Variants in HMGXB3 observed in about 807,000 individuals in gnomAD.
HMGXB3 encodes HMG-box containing 3.
A neutral mutation model predicts 121.5 loss-of-function variants in HMGXB3; 45 were observed. That is an observed-to-expected ratio of 0.37 (90% CI 0.29 to 0.47). The LOEUF (loss-of-function observed/expected upper bound fraction) is 0.47. Ranked by LOEUF, HMGXB3 falls within the 20% of genes least tolerant of loss-of-function variation. The pLI, the probability that HMGXB3 is intolerant of heterozygous loss-of-function variation, is 0.99. For synonymous variants in HMGXB3, 590 were observed against 624.1 expected (o/e 0.95, Z 0.81); for missense variants, 1,376 against 1,602.2 (o/e 0.86, Z 2.41).
rs757924825 is a variant in HMGXB3, at chr5:150,037,418, G to A, written c.2304G>A (p.Gln768=). The change falls in exon 13 of 20, where the codon CAG becomes CAA. Residue 768 remains glutamine, a synonymous_variant. Coordinates refer to ENST00000502717, the MANE Select transcript of HMGXB3 (RefSeq NM_014983.3). ...GTACTAGCTCCCTGGCTGGGCCCCA[G>A]GAGTGCTGGCTGCTGACAGCCAGCC... ...KGGQNSLAGP[Q]ECWLLTASRL... is the part of the protein sequence containing the mutation. 57 of 1,549,832 alleles carry A rather than the reference G, an allele frequency of 3.7e-5. No individual in the cohort carries two copies. Among genetic ancestry groups the A allele is most frequent in the Non-Finnish European group, 8.7e-6 (10 of 1,146,010 alleles).
chr5:150,040,563 A>T (rs1210963334), intron 13 of HMGXB3, among the ~76,000 whole-genome samples, 185 bp from the exon 14 acceptor site: 3 of 151,844 alleles, frequency 2.0e-5, no homozygotes, highest in African/African-American at 7.3e-5. Flanking sequence ...TTTTTTTGAG[A>T]TGGAGTCTCT....
At chr5:150,011,982 C>T (rs772001132) in intron 4 of HMGXB3, among the ~76,000 whole-genome samples, 8 of 152,186 alleles carry the variant, frequency 5.3e-5, no homozygotes, top group Non-Finnish European at 1.0e-4. Context: ...TGGATTCTCT[C>T]ACTAACTGCT....
chr5:150,001,676 CCT>C (rs1755572532), intron 1 of HMGXB3, among the ~76,000 whole-genome samples: 1 of 152,162 alleles, frequency 6.6e-6, no homozygotes, highest in South Asian at 2.1e-4. Context: ...AATTGTCCTG[CCT>C]TTTTTTGCAT....
At position 150,040,762 on chromosome 5, in the gene HMGXB3, G is replaced by A. The variant is rs1756612456; in HGVS notation, c.2428G>A (p.Gly810Arg). ...IDIYTGLFNV[G>R]NKLLVSLDLL... The stretch of plus-strand genomic sequence containing the variant: ...TTAACCTGCAGGTCTCTTTAATGTG[G>A]GGAACAAGCTGCTGGTAAGCCTGGA... Residue 810 changes from glycine (G) to arginine (R), a missense_variant, in exon 14 of 20, where the codon GGG becomes AGG. Gly to Arg is a moderately radical substitution (Grantham distance 125). Transcript: ENST00000502717. 1 of 1,551,842 alleles carries A rather than the reference G, an allele frequency of 6.4e-7. No individual in the cohort carries two copies.
chr5:150,041,419 G>T (rs752881103), intron 14 of HMGXB3, among the ~76,000 whole-genome samples: 34 of 152,348 alleles, frequency 2.2e-4, no homozygotes, highest in Admixed American at 1.2e-3. Context: ...TGCCACTGTT[G>T]CAGTGTGATT....
chr5:150,034,405 A>G (rs1218920603), intron 11 of HMGXB3, among the ~76,000 whole-genome samples: 1 of 152,170 alleles, frequency 6.6e-6, no homozygotes, highest in African/African-American at 2.4e-5. Flanking sequence ...CTGTGTAGGT[A>G]GAAGCTCTGA....
intron 6 of HMGXB3, chr5:150,021,971 C>A: frequency 2.3e-6 from 1 of 432,776 alleles, no homozygotes; most frequent in South Asian, 1.7e-5. Context: ...GAGAGAACAG[C>A]GGTGAGTCAG....
chr5:150,026,995 C>G, intron 8 of HMGXB3, 25 bp from the exon 9 acceptor site: 1 of 1,549,462 alleles, frequency 6.5e-7, no homozygotes, highest in Non-Finnish European at 8.7e-7. Flanking sequence ...ACTTAAGTCA[C>G]CAGTTTGGCT....
intron 11 of HMGXB3, among the ~76,000 whole-genome samples, chr5:150,032,912 C>T (rs1300961861): frequency 6.6e-6 from 1 of 152,198 alleles, no homozygotes; most frequent in Non-Finnish European, 1.5e-5. Context: ...GTTGCATCCT[C>T]TTACCGCTGA....
In HMGXB3 at chr5:150,050,179, C is replaced by T. The variant is rs1756856405; in HGVS notation, c.3202-73C>T. ...GATTGCTCATCTTCCTGGGAAGAAG[C>T]GAGTGAGAACTGTACACTCTCTGCA... On this transcript the variant is annotated intron_variant, in intron 18 of 19. Transcript: ENST00000502717. 6.2e-6 allele frequency: 8 copies of T among 1,286,472 alleles called. No homozygotes were observed. In the Admixed American group the frequency reaches 9.9e-5, roughly 16 times the overall value. 79.7% of individuals were successfully genotyped at this position (1,286,472 alleles called of 1,614,324 possible).
chr5:150,004,053 A>G (rs564566012), intron 1 of HMGXB3, among the ~76,000 whole-genome samples: 134 of 151,278 alleles, frequency 8.9e-4, no homozygotes, highest in African/African-American at 3.1e-3. Context: ...TTTTTTTAAT[A>G]GAGATGGGGT....
intron 7 of HMGXB3, among the ~76,000 whole-genome samples, chr5:150,025,621 G>A (rs1756210400): frequency 6.7e-6 from 1 of 148,730 alleles, no homozygotes; most frequent in African/African-American, 2.6e-5. Flanking sequence ...AGTCTGGAGT[G>A]CAGTGGTGCG....
chr5:150,051,393 C>T (rs577572547), intron 19 of HMGXB3, among the ~76,000 whole-genome samples: 38 of 152,352 alleles, frequency 2.5e-4, no homozygotes, highest in African/African-American at 8.2e-4. Flanking sequence ...GGCTCACTGG[C>T]TCCATGAGCA....
At chr5:150,040,369 G>A (rs1470547652) in intron 13 of HMGXB3, among the ~76,000 whole-genome samples, 1 of 151,994 alleles carries the variant, frequency 6.6e-6, no homozygotes, top group East Asian at 1.9e-4. Flanking sequence ...TTAGTTGTGG[G>A]GTTTTTGTTT....
chr5:150,024,051 G>A (rs1756162559), intron 6 of HMGXB3, among the ~76,000 whole-genome samples: 1 of 152,200 alleles, frequency 6.6e-6, no homozygotes, highest in South Asian at 2.1e-4. Context: ...TTATTCAAAC[G>A]AAGGCATTTA....
intron 12 of HMGXB3, among the ~76,000 whole-genome samples, 198 bp downstream of exon 12, chr5:150,037,135 C>T (rs1195672520): frequency 6.6e-6 from 1 of 152,148 alleles, no homozygotes; most frequent in Non-Finnish European, 1.5e-5. Context: ...AAAGTTATCA[C>T]CAGATTAGGA....
intron 10 of HMGXB3, 52 bp downstream of exon 10, chr5:150,030,891 T>C (rs1756357096): frequency 7.1e-7 from 1 of 1,409,290 alleles, no homozygotes; most frequent in Admixed American, 2.0e-5. Flanking sequence ...GTTTTGATTT[T>C]GTGGTTGAAG....
intron 13 of HMGXB3, 41 bp from the exon 14 acceptor site, chr5:150,040,707 A>G (rs1207108754): frequency 1.9e-6 from 3 of 1,543,982 alleles, no homozygotes; most frequent in Non-Finnish European, 2.6e-6. Context: ...GCCATTGTGT[A>G]TGATACATTA....
intron 6 of HMGXB3, among the ~76,000 whole-genome samples, chr5:150,020,471 T>C (rs1756063161): frequency 6.6e-6 from 1 of 152,364 alleles, no homozygotes; most frequent in African/African-American, 2.4e-5. Context: ...CATGAAAGAC[T>C]GTCAGTGATC....
Sources: allele counts gnomAD v4.1 joint callset (sites outside exome capture counted in the v4.1 genomes callset), GRCh38; gene constraint gnomAD v4.1.1; transcripts MANE v1.5; gene names NCBI Gene and HGNC (gene_info 2026-07-23, HGNC 2026-07-21).